Variants in ERG observed in about 807,000 individuals in gnomAD.
ERG encodes the protein transcriptional regulator ERG.
ERG carries 9 observed loss-of-function variants against 55.3 expected under a neutral mutation model. That is an observed-to-expected ratio of 0.16 (90% CI 0.10 to 0.28). ERG has a LOEUF of 0.28. ERG is among the 10% of genes least tolerant of loss of function. ERG has a pLI of 1.00. For synonymous variants in ERG, 223 were observed against 237.3 expected, an observed-to-expected ratio of 0.94 and a Z score of 0.55; for missense variants, 434 against 631.6, an observed-to-expected ratio of 0.69 and a Z score of 3.35.
At chr21:38,415,972 C>G (rs555117222) in intron 3 of ERG, among the ~76,000 whole-genome samples, 3 of 152,254 alleles carry the variant, frequency 2.0e-5, no homozygotes, top group South Asian at 2.1e-4. Context: ...AAATAACTCA[C>G]GCTAAGAGGA....
At chr21:38,396,982 A>G (rs981582075) in intron 6 of ERG, among the ~76,000 whole-genome samples, 1 of 152,196 alleles carries the variant, frequency 6.6e-6, no homozygotes, top group Non-Finnish European at 1.5e-5. Context: ...ATGGGTTGAT[A>G]CTTTATGAGA....
chr21:38,517,979 A>G (rs1249511074), intron 2 of ERG, among the ~76,000 whole-genome samples: 1 of 152,058 alleles, frequency 6.6e-6, no homozygotes, highest in East Asian at 1.9e-4. Context: ...AGAGGAAGAG[A>G]GTTTGGATAA....
intron 2 of ERG, among the ~76,000 whole-genome samples, chr21:38,518,236 G>GTATC (rs71330332): frequency 0.047 from 6,766 of 145,426 alleles, 167 homozygotes; most frequent in East Asian, 0.059. Context: ...GTGTGTGTGT[G>GTATC]TATCTATCTA....
At chr21:38,466,526 C>T (rs919294497) in intron 1 of ERG, among the ~76,000 whole-genome samples, 30 of 151,950 alleles carry the variant, frequency 2.0e-4, no homozygotes, top group Admixed American at 3.3e-4. Flanking sequence ...GATGGCCTCT[C>T]GTGGGCTCAT....
At chr21:38,487,671 C>T (rs556298341) in intron 1 of ERG, among the ~76,000 whole-genome samples, 1 of 152,122 alleles carries the variant, frequency 6.6e-6, no homozygotes, top group Admixed American at 6.5e-5. Flanking sequence ...GGAGGTAGCA[C>T]CTGTAAGGAT....
intron 1 of ERG, among the ~76,000 whole-genome samples, chr21:38,639,200 C>T (rs1057159006): frequency 4.6e-5 from 7 of 152,146 alleles, no homozygotes; most frequent in African/African-American, 1.7e-4. Flanking sequence ...CCAACAAGCC[C>T]CACCTGGGCA....
At chr21:38,560,775 T>G (rs895132520) in intron 2 of ERG, among the ~76,000 whole-genome samples, 2 of 152,230 alleles carry the variant, frequency 1.3e-5, no homozygotes, top group Non-Finnish European at 2.9e-5. Context: ...TTTAGCCATT[T>G]CAAAGGAAAT....
chr21:38,515,973 A>C (rs143303097), intron 2 of ERG, among the ~76,000 whole-genome samples: 338 of 152,122 alleles, frequency 2.2e-3, no homozygotes, highest in African/African-American at 7.7e-3. Flanking sequence ...GGTACAGAAG[A>C]AACATACCTC....
chr21:38,543,355 G>GTTT (rs60845917), intron 2 of ERG, among the ~76,000 whole-genome samples: 227 of 61,592 alleles, frequency 3.7e-3, no homozygotes, highest in African/African-American at 7.6e-3. Flanking sequence ...GTATATGTGT[G>GTTT]TTTTTTTTTA....
intron 2 of ERG, among the ~76,000 whole-genome samples, chr21:38,562,234 C>T (rs1385611572): frequency 6.6e-6 from 1 of 152,164 alleles, no homozygotes; most frequent in Non-Finnish European, 1.5e-5. Flanking sequence ...TGCATACATA[C>T]ACGCACATAT....
At chr21:38,545,491 A>G (rs1445955740) in intron 2 of ERG, among the ~76,000 whole-genome samples, 3 of 152,084 alleles carry the variant, frequency 2.0e-5, no homozygotes, top group East Asian at 3.9e-4. Context: ...TCCCTCCTGC[A>G]TCTCCTCCCT....
chr21:38,400,114 A>G, intron 6 of ERG: 1 of 340,746 alleles, frequency 2.9e-6, no homozygotes, highest in East Asian at 4.8e-5. Flanking sequence ...TAATTAAATC[A>G]TTTGGAGGAC....
At chr21:38,614,558 T>A (rs2060247853) in intron 1 of ERG, among the ~76,000 whole-genome samples, 1 of 151,970 alleles carries the variant, frequency 6.6e-6, no homozygotes. Flanking sequence ...CTGGGATGGA[T>A]GAATGGCTTC....
chr21:38,583,367 C>T lies in ERG; in HGVS notation c.-127+1477G>A, dbSNP rs1252223369. ...TGCAGGATCAGTACCTAAAGGGGAGCACCGCCCGAAATCCTGTGCCCCAGT... is the reference window on the plus strand; with the variant it reads ...TGCAGGATCAGTACCTAAAGGGGAGTACCGCCCGAAATCCTGTGCCCCAGT... On this transcript the variant is annotated intron_variant, in intron 1 of 8. Transcript: ENST00000398897. Among the ~76,000 whole-genome samples, 4 of 152,234 alleles carry T rather than the reference C, an allele frequency of 2.6e-5. No individual in the cohort carries two copies. The South Asian group carries it at 8.3e-4, about 32-fold the overall frequency.
intron 1 of ERG, among the ~76,000 whole-genome samples, chr21:38,628,779 TGA>T (rs2060339983): frequency 6.6e-6 from 1 of 152,212 alleles, no homozygotes; most frequent in Non-Finnish European, 1.5e-5. Context: ...TCAACAAGGC[TGA>T]GTTTGTGGTG....
In ERG at chr21:38,402,544, G is replaced by C; in HGVS notation, c.673+13C>G. 2 of 1,606,218 alleles carry C rather than the reference G, an allele frequency of 1.2e-6. No individual in the cohort carries two copies. The highest frequency in any genetic ancestry group is 8.5e-7 in the Non-Finnish European group (1 of 1,175,068). ...ACGCTCTTGCTGGGAGGCAGGGGCG[G>C]GGCCAGCATTACCTGTGTTTCTAGC... On this transcript the variant is annotated intron_variant, in intron 5 of 9. Transcript: ENST00000288319.
chr21:38,449,274 C>T (rs2058919667), intron 1 of ERG, among the ~76,000 whole-genome samples: 2 of 152,088 alleles, frequency 1.3e-5, no homozygotes, highest in Non-Finnish European at 2.9e-5. Flanking sequence ...TTCTGTAGCT[C>T]CAGGAAAGTT....
At chr21:38,548,388 G>A (rs1001426642) in intron 2 of ERG, among the ~76,000 whole-genome samples, 4 of 151,690 alleles carry the variant, frequency 2.6e-5, no homozygotes, top group Non-Finnish European at 4.4e-5. Context: ...CTAAGTCAAT[G>A]TAGGCAACGA....
rs979718715 is a variant in ERG at position 38,549,191 on chromosome 21, G to A, written c.-41+26471C>T. ...CCCACCCCTGACCAGTGAAATCTCC[G>A]GGATTGGGGCACAGGTATAATGTTT... On this transcript the variant is annotated intron_variant, in intron 2 of 8. Transcript: ENST00000398897. 3.3e-5 allele frequency among the ~76,000 whole-genome samples: 5 copies of A among 152,012 alleles called. No individual in the cohort carries two copies. The East Asian group carries it at 5.8e-4, about 18-fold the overall frequency.
Sources: allele counts gnomAD v4.1 joint callset (sites outside exome capture counted in the v4.1 genomes callset), GRCh38; gene constraint gnomAD v4.1.1; transcripts MANE v1.5; gene names NCBI Gene and HGNC (gene_info 2026-07-23, HGNC 2026-07-21).